Variants in ACACA observed in about 807,000 individuals in gnomAD.
The protein encoded by ACACA is acetyl-CoA carboxylase 1.
A neutral mutation model predicts 296.1 loss-of-function variants in ACACA; 103 were observed. That is an observed-to-expected ratio of 0.35 (90% CI 0.30 to 0.41). ACACA has a LOEUF of 0.41. Ranked by LOEUF, ACACA falls within the 10% of genes least tolerant of loss-of-function variation. The probability of loss-of-function intolerance (pLI) is 1.00; values close to 1 mark genes in which losing one functional copy is unlikely to be tolerated. For synonymous variants in ACACA, 953 were observed against 1,038.6 expected, an observed-to-expected ratio of 0.92 and a Z score of 1.58; for missense variants, 1,554 against 2,989.7, an observed-to-expected ratio of 0.52 and a Z score of 11.20.
chr17:37,149,127 T>C (rs982261400), intron 45 of ACACA, among the ~76,000 whole-genome samples: 12 of 149,468 alleles, frequency 8.0e-5, no homozygotes, highest in Non-Finnish European at 1.6e-4. Flanking sequence ...GCAGTGACCT[T>C]GCCATCCATT....
At chr17:37,125,654 T>C in intron 48 of ACACA, 44 bp downstream of exon 48, 2 of 1,484,116 alleles carry the variant, frequency 1.3e-6, no homozygotes, top group Non-Finnish European at 9.4e-7. Flanking sequence ...TTTCTTATTT[T>C]TAGTTGGGAG....
intron 5 of ACACA, 115 bp from the exon 6 acceptor site, chr17:37,278,120 G>A: frequency 2.6e-6 from 2 of 771,466 alleles, no homozygotes; most frequent in Admixed American, 4.0e-5. Context: ...AGGACAAACA[G>A]CATTAGTAGG....
At chr17:37,206,224 T>C (rs1320899745) in intron 32 of ACACA, among the ~76,000 whole-genome samples, 1 of 152,070 alleles carries the variant, frequency 6.6e-6, no homozygotes, top group African/African-American at 2.4e-5. Context: ...GGAAAATGAG[T>C]GATATAAGCC....
intron 2 of ACACA, 46 bp downstream of exon 2, chr17:37,339,758 A>T (rs1191647157): frequency 8.2e-7 from 1 of 1,213,182 alleles, no homozygotes; most frequent in East Asian, 2.3e-5. Flanking sequence ...CAACATGAAC[A>T]AAATTTTTAT....
chr17:37,341,955 A>C (rs1001849556), intron 1 of ACACA, among the ~76,000 whole-genome samples: 1 of 152,150 alleles, frequency 6.6e-6, no homozygotes, highest in African/African-American at 2.4e-5. Context: ...CTCCAGAAAG[A>C]GGACTAAAAA....
intron 52 of ACACA, among the ~76,000 whole-genome samples, chr17:37,099,454 C>T (rs796163645): frequency 7.8e-6 from 1 of 128,840 alleles, no homozygotes; most frequent in East Asian, 2.4e-4. Context: ...GGGCTGATGG[C>T]GGGAGGGCTG....
In ACACA at chr17:37,162,121, G is replaced by A. The variant is rs112940572; in HGVS notation, c.5080-71C>T. 4.0e-3 allele frequency: 6,039 copies of A among 1,519,240 alleles called. 204 individuals carry two copies. In the African/African-American group the frequency reaches 0.072, roughly 18 times the overall value. 94.1% of individuals were successfully genotyped at this position (1,519,240 alleles called of 1,614,324 possible). The stretch of plus-strand genomic sequence containing the variant: ...AGAATTTTTTTCAGGTTCATTGAAG[G>A]TATCAGAGTATACCTAGGCACAGCC... On this transcript the variant is annotated intron_variant, in intron 41 of 55. Transcript: ENST00000616317.
intron 41 of ACACA, among the ~76,000 whole-genome samples, chr17:37,171,144 G>T (rs1196442131): frequency 6.6e-6 from 1 of 152,148 alleles, no homozygotes; most frequent in East Asian, 1.9e-4. Flanking sequence ...TAAAAGCCTT[G>T]CTATATTCAT....
At chr17:37,121,198 C>T (rs2074511666) in intron 50 of ACACA, among the ~76,000 whole-genome samples, 157 bp downstream of exon 50, 1 of 152,158 alleles carries the variant, frequency 6.6e-6, no homozygotes, top group Admixed American at 6.5e-5. Flanking sequence ...TTTTTCCATT[C>T]AAGTTGCAAC....
At chr17:37,248,182 G>GT (rs1567879105) in intron 17 of ACACA, 26 bp from the exon 18 acceptor site, 1 of 1,613,974 alleles carries the variant, frequency 6.2e-7, no homozygotes, top group South Asian at 1.1e-5. Flanking sequence ...ATGAGGATCA[G>GT]TGTGTCCCTT....
chr17:37,202,539 T>C (rs746343112), intron 33 of ACACA, among the ~76,000 whole-genome samples: 4 of 151,744 alleles, frequency 2.6e-5, no homozygotes, highest in Non-Finnish European at 5.9e-5. Flanking sequence ...TATTTGATAG[T>C]TTAATGTGTG....
intron 3 of ACACA, among the ~76,000 whole-genome samples, chr17:37,320,509 TC>T (rs1272170648): frequency 6.7e-6 from 1 of 148,308 alleles, no homozygotes; most frequent in Non-Finnish European, 1.5e-5. Flanking sequence ...AGACTTCATC[TC>T]AAAAAAAAAA....
chr17:37,242,091 C>T (rs1339799445), intron 22 of ACACA, 38 bp from the exon 23 acceptor site: 1 of 1,508,664 alleles, frequency 6.6e-7, no homozygotes, highest in African/African-American at 1.4e-5. Flanking sequence ...AGGCCCAACC[C>T]AACAAAATGC....
intron 1 of ACACA, among the ~76,000 whole-genome samples, chr17:37,349,653 T>A (rs760118522): frequency 4.7e-5 from 7 of 150,368 alleles, no homozygotes; most frequent in Non-Finnish European, 1.0e-4. Flanking sequence ...GCCTCCCAGG[T>A]TCAAACAATT....
intron 19 of ACACA, among the ~76,000 whole-genome samples, chr17:37,245,482 G>A (rs1001138377): frequency 1.3e-5 from 2 of 152,026 alleles, no homozygotes; most frequent in African/African-American, 4.8e-5. Flanking sequence ...GATTATATTT[G>A]TTTTGTACTT....
rs1271488627 is a variant in ACACA, at chr17:37,113,142, A to G, written c.6398T>C (p.Ile2133Thr). Residue 2133 changes from isoleucine (I) to threonine (T), a missense_variant, in exon 51 of 56, where the codon ATT becomes ACT. Ile to Thr is a moderately conservative substitution (Grantham distance 89). Around this residue, in one of 16 missense-constraint regions of ACACA, gnomAD observed 553 missense variants for 1,043.6 expected, o/e 0.53. Transcript: ENST00000616317. This position sits in a 1 kb window ranked among gnomAD's most constrained non-coding sequence, Gnocchi z 4.0. ...AELRGGSWVV[I>T]DSSINPRHME... ...GTGCCGGGGGTTGATGGAGGAGTCA[A>G]TCACCACCCAGGAGCCACCCCGCAG... 6.2e-7 allele frequency: 1 copy of G among 1,614,038 alleles called. No homozygotes were observed. The highest frequency in any genetic ancestry group is 2.2e-5 in the East Asian group (1 of 44,894).
At chr17:37,290,125 G>A (rs2082976949) in intron 3 of ACACA, among the ~76,000 whole-genome samples, 1 of 151,960 alleles carries the variant, frequency 6.6e-6, no homozygotes. Flanking sequence ...TCGGCTTATT[G>A]CAACCTCCGC....
At chr17:37,267,433 G>A (rs1250453756) in intron 10 of ACACA, among the ~76,000 whole-genome samples, 1 of 152,170 alleles carries the variant, frequency 6.6e-6, no homozygotes, top group African/African-American at 2.4e-5. Context: ...CTGAGGGCTT[G>A]CTCCAAGACA....
At chr17:37,305,408 C>T (rs1018816299) in intron 3 of ACACA, among the ~76,000 whole-genome samples, 25 of 152,230 alleles carry the variant, frequency 1.6e-4, no homozygotes, top group Admixed American at 5.2e-4. Context: ...TTTGAGGAGT[C>T]ACCCCTATGT....
Sources: gnomAD v4.1 joint callset for allele counts (sites outside exome capture counted in the v4.1 genomes callset) on GRCh38, gnomAD v4.1.1 for gene constraint, gnomAD v4.1.1 regional missense constraint, Gnocchi (gnomAD v3.1) non-coding constraint, MANE v1.5 for transcripts, NCBI Gene and HGNC (gene_info 2026-07-23, HGNC 2026-07-21) for gene names.